SLC38A8: variants seen among roughly 807,000 people sequenced by gnomAD.
The protein encoded by SLC38A8 is solute carrier family 38 member 8, also known as amino acid transporter SLC38A8.
SLC38A8 carries 65 observed loss-of-function variants against 46.0 expected under a neutral mutation model. The observed-to-expected ratio is 1.41, with a 90% CI of 1.16 to 1.74. The LOEUF (loss-of-function observed/expected upper bound fraction) is 1.74. SLC38A8 is among the 40% of genes most tolerant of loss of function. SLC38A8 has a pLI of 0.00. For synonymous variants in SLC38A8, 447 were observed against 243.7 expected (o/e 1.83, Z -7.77); for missense variants, 998 against 567.9 (o/e 1.76, Z -7.70).
chr16:84,021,138 C>A (rs1420565539), intron 7 of SLC38A8, among the ~76,000 whole-genome samples: 1 of 152,174 alleles, frequency 6.6e-6, no homozygotes, highest in African/African-American at 2.4e-5. Context: ...TCTCAGCTCA[C>A]TGCAACCTCC....
At chr16:84,017,959 G>C (rs867131303) in intron 7 of SLC38A8, among the ~76,000 whole-genome samples, 8 of 152,140 alleles carry the variant, frequency 5.3e-5, no homozygotes, top group South Asian at 2.1e-4. Context: ...CAGACTGATG[G>C]GACCTCCTCT....
At chr16:84,018,982 T>G (rs1387483987) in intron 7 of SLC38A8, among the ~76,000 whole-genome samples, 2 of 152,070 alleles carry the variant, frequency 1.3e-5, no homozygotes, top group Non-Finnish European at 2.9e-5. Context: ...CTCACCCTGG[T>G]ATGGGGAGGT....
intron 2 of SLC38A8, among the ~76,000 whole-genome samples, chr16:84,040,709 C>T (rs967769916): frequency 6.6e-6 from 1 of 152,210 alleles, no homozygotes; most frequent in Non-Finnish European, 1.5e-5. Flanking sequence ...TCCAGTGGGG[C>T]TCAGCGCAAA....
chr16:84,027,360 AAAACAAACAAAC>A (rs199701593), intron 6 of SLC38A8, among the ~76,000 whole-genome samples: 6 of 150,356 alleles, frequency 4.0e-5, no homozygotes, highest in Non-Finnish European at 8.8e-5. Context: ...AAGCAAAATT[AAAACAAACAAAC>A]AAACAAACAA....
intron 7 of SLC38A8, 30 bp downstream of exon 7, chr16:84,022,745 C>T (rs759169085): frequency 1.1e-4 from 177 of 1,580,000 alleles, no homozygotes; most frequent in Non-Finnish European, 1.5e-4. Flanking sequence ...ACTCCCCACC[C>T]TCTGCAGGGG....
At chr16:84,035,240 G>C (rs1287468151) in intron 3 of SLC38A8, among the ~76,000 whole-genome samples, 2 of 152,182 alleles carry the variant, frequency 1.3e-5, no homozygotes, top group East Asian at 1.9e-4. Flanking sequence ...CACTGTGGGG[G>C]AGCAGGACGT....
chr16:84,013,765 TCAGGGC>T (rs2084987754), intron 9 of SLC38A8, among the ~76,000 whole-genome samples: 1 of 151,040 alleles, frequency 6.6e-6, no homozygotes, highest in Non-Finnish European at 1.5e-5. Context: ...CTGCTAGGAT[TCAGGGC>T]CATGTAGCTT....
chr16:84,017,398 G>T, intron 7 of SLC38A8, 111 bp from the exon 8 acceptor site: 1 of 1,307,812 alleles, frequency 7.6e-7, no homozygotes, highest in Non-Finnish European at 1.1e-6. Flanking sequence ...TTCCTTAGGA[G>T]CTGAAAGAAG....
intron 2 of SLC38A8, 60 bp from the exon 3 acceptor site, chr16:84,036,960 C>T: frequency 6.7e-7 from 1 of 1,496,620 alleles, no homozygotes; most frequent in East Asian, 2.5e-5. Flanking sequence ...CACCCCCAGC[C>T]AGCCACCCCT....
intron 10 of SLC38A8, 120 bp downstream of exon 10, chr16:84,012,881 C>A: frequency 1.8e-6 from 2 of 1,104,808 alleles, no homozygotes; most frequent in Non-Finnish European, 2.6e-6. Flanking sequence ...TCCTGTGGCT[C>A]GCAGGTTTCT....
intron 3 of SLC38A8, among the ~76,000 whole-genome samples, chr16:84,034,209 T>C (rs1008309527): frequency 6.6e-6 from 1 of 152,214 alleles, no homozygotes; most frequent in Non-Finnish European, 1.5e-5. Flanking sequence ...CCCCAGAGAC[T>C]GAGGCAGAAG....
At chr16:84,013,550 C>G (rs1399127213) in intron 9 of SLC38A8, among the ~76,000 whole-genome samples, 1 of 150,290 alleles carries the variant, frequency 6.7e-6, no homozygotes, top group African/African-American at 2.4e-5. Flanking sequence ...CGTGCCTCAG[C>G]CTCCCGAGTA....
chr16:84,034,804 C>T (rs150717615), intron 3 of SLC38A8, among the ~76,000 whole-genome samples: 31 of 152,004 alleles, frequency 2.0e-4, no homozygotes, highest in African/African-American at 6.5e-4. Context: ...CTCCAGGTGG[C>T]GTGGGATGGG....
chr16:84,020,064 C>T (rs984946040), intron 7 of SLC38A8, among the ~76,000 whole-genome samples: 2 of 152,168 alleles, frequency 1.3e-5, no homozygotes, highest in Non-Finnish European at 2.9e-5. Context: ...GGCAGTCCCA[C>T]TCTCATGACT....
rs554595396 is a variant in SLC38A8, at chr16:84,031,570, T to A, written c.632+297A>T. On this transcript the variant is annotated intron_variant, in intron 5 of 10. Coordinates refer to ENST00000299709, the MANE Select transcript of SLC38A8 (RefSeq NM_001080442.3). ...GCAGCTGGATGGCTGCCAGATTCTG[T>A]ACCTCCACACTGTGGGGACAAGTCT... Among the ~76,000 whole-genome samples, 13 of 150,138 alleles carry A rather than the reference T, an allele frequency of 8.7e-5. No individual in the cohort carries two copies. In the South Asian group the frequency reaches 2.4e-3, roughly 27 times the overall value.
chr16:84,015,475 T>G (rs1190281217), intron 9 of SLC38A8, among the ~76,000 whole-genome samples: 1 of 152,078 alleles, frequency 6.6e-6, no homozygotes, highest in Non-Finnish European at 1.5e-5. Context: ...CGATTTTCTT[T>G]TTTTAATAAA....
intron 7 of SLC38A8, among the ~76,000 whole-genome samples, chr16:84,020,562 C>G (rs559452912): frequency 6.6e-6 from 1 of 152,210 alleles, no homozygotes; most frequent in Non-Finnish European, 1.5e-5. Flanking sequence ...CCACTTATAC[C>G]TTCTGGGGCT....
chr16:84,017,043 G>C, intron 8 of SLC38A8, 97 bp downstream of exon 8: 3 of 1,489,348 alleles, frequency 2.0e-6, no homozygotes, highest in Non-Finnish European at 2.7e-6. Flanking sequence ...GAGGATGGTA[G>C]TCCCACAGCC....
At chr16:84,022,034 G>T (rs1181662675) in intron 7 of SLC38A8, among the ~76,000 whole-genome samples, 1 of 152,180 alleles carries the variant, frequency 6.6e-6, no homozygotes, top group South Asian at 2.1e-4. Flanking sequence ...GAGGGCAGAG[G>T]CCTCATGCCC....
Sources: gnomAD v4.1 joint callset for allele counts (sites outside exome capture counted in the v4.1 genomes callset) on GRCh38, gnomAD v4.1.1 for gene constraint, MANE v1.5 for transcripts, NCBI Gene and HGNC (gene_info 2026-07-23, HGNC 2026-07-21) for gene names.